The following SERAC1 variants were observed in gnomAD, a reference collection of about 807,000 sequenced individuals.
The protein encoded by SERAC1 is protein SERAC1.
A neutral mutation model predicts 85.7 loss-of-function variants in SERAC1; 36 were observed. The ratio of observed to expected loss-of-function variants is 0.42; its 90% CI spans 0.32 to 0.55. The LOEUF (loss-of-function observed/expected upper bound fraction) is 0.55. SERAC1 is among the 20% of genes least tolerant of loss of function. The probability of loss-of-function intolerance (pLI) is 0.11; values close to 1 mark genes in which losing one functional copy is unlikely to be tolerated. For synonymous variants in SERAC1, 242 were observed against 265.3 expected, an observed-to-expected ratio of 0.91 and a Z score of 0.85; for missense variants, 629 against 796.2, an observed-to-expected ratio of 0.79 and a Z score of 2.53.
intron 8 of SERAC1, among the ~76,000 whole-genome samples, chr6:158,131,182 C>T (rs1485632769): frequency 6.6e-6 from 1 of 151,120 alleles, no homozygotes; most frequent in Non-Finnish European, 1.5e-5. Context: ...TAATCTCCTA[C>T]AAGTCAGTGA....
rs575511116 is a variant in SERAC1, at chr6:158,163,404, A to C, written c.-2+4736T>G. Among the ~76,000 whole-genome samples the C allele has an allele frequency of 3.3e-5, 5 of 152,366 alleles. No homozygotes were observed. In the East Asian group the frequency reaches 9.6e-4, roughly 29 times the overall value. On this transcript the variant is annotated intron_variant, in intron 1 of 16. Coordinates refer to ENST00000647468, the MANE Select transcript of SERAC1 (RefSeq NM_032861.4). ...AATACACTATAAAATAACAATAAAA[A>C]GTATACCATAGGGCCAAGTGTGGTG...
intron 1 of SERAC1, chr6:158,159,300 T>C (rs1288621958): frequency 6.6e-6 from 1 of 151,652 alleles, no homozygotes; most frequent in African/African-American, 2.4e-5. Flanking sequence ...GCTCAGGAGT[T>C]CAAGACCAGC....
At chr6:158,135,843 T>A (rs1784780483) in intron 8 of SERAC1, among the ~76,000 whole-genome samples, 1 of 152,122 alleles carries the variant, frequency 6.6e-6, no homozygotes, top group African/African-American at 2.4e-5. Context: ...GGAGTCTCAC[T>A]CTGTCACCCA....
In SERAC1 at chr6:158,119,847, AT is replaced by A. The variant is rs1176942723; in HGVS notation, c.1166+577del. Among the ~76,000 whole-genome samples the A allele has an allele frequency of 6.6e-6, 1 of 152,150 alleles. No homozygotes were observed. Among genetic ancestry groups the A allele is most frequent in the African/African-American group, 2.4e-5 (1 of 41,436 alleles). ...CCCTAAGAAAACCAAGAAATATGTTATTTTTTCAGTGTGGTCCCTTCTATAT... is the reference window on the plus strand; with the variant it reads ...CCCTAAGAAAACCAAGAAATATGTTATTTTTCAGTGTGGTCCCTTCTATAT... On this transcript the variant is annotated intron_variant, in intron 11 of 16. Coordinates refer to ENST00000647468, the MANE Select transcript of SERAC1 (RefSeq NM_032861.4). This position sits in a 1 kb window ranked among gnomAD's most constrained non-coding sequence, Gnocchi z 4.5.
chr6:158,164,998 T>C lies in SERAC1; in HGVS notation c.-2+3142A>G, dbSNP rs1467240286. Among the ~76,000 whole-genome samples, 4 of 152,268 alleles carry C rather than the reference T, an allele frequency of 2.6e-5. No homozygotes were observed. The East Asian group carries it at 7.7e-4, about 29-fold the overall frequency. On this transcript the variant is annotated intron_variant, in intron 1 of 16. Transcript: ENST00000647468. ...ACACCAAGCATCTTATTAAGGACGG[T>C]AGAGCAGCCAGATAGAAGAATCCGA...
chr6:158,149,796 G>A (rs73797650), intron 4 of SERAC1, among the ~76,000 whole-genome samples: 4,699 of 152,296 alleles, frequency 0.031, 225 homozygotes, highest in African/African-American at 0.11. Context: ...CTCACTTGAG[G>A]AACATCATGT....
chr6:158,167,162 G>C (rs892925229), intron 1 of SERAC1, among the ~76,000 whole-genome samples: 3 of 141,904 alleles, frequency 2.1e-5, no homozygotes, highest in Non-Finnish European at 3.0e-5. Context: ...TTGAGGGATA[G>C]AAAGAGGGAA....
chr6:158,111,296 T>G lies in SERAC1; in HGVS notation c.*70A>C. The G allele has an allele frequency of 7.1e-7, 1 of 1,405,548 alleles. No individual in the cohort carries two copies. Among genetic ancestry groups the G allele is most frequent in the Non-Finnish European group, 9.6e-7 (1 of 1,041,340 alleles). The allele number at this position is 1,405,548 out of a possible 1,614,324, so 87.1% of individuals were successfully genotyped here. ...CTATGTTTGCATGATTGCATAGAGC[T>G]TAAAAGAAGAAACAGAACACCAAGT... is the stretch of plus-strand genomic sequence containing the variant. On this transcript the variant is annotated 3_prime_UTR_variant, in exon 17 of 17. Transcript: ENST00000647468.
intron 3 of SERAC1, among the ~76,000 whole-genome samples, chr6:158,151,854 A>C (rs1785212561): frequency 6.6e-6 from 1 of 151,950 alleles, no homozygotes; most frequent in Non-Finnish European, 1.5e-5. Flanking sequence ...AAGTTTTTCA[A>C]AAATTTAAGT....
chr6:158,116,285 G>GAACAA lies in SERAC1; in HGVS notation c.1404-8_1404-4dup, dbSNP rs1381930049. 1 of 1,613,090 alleles carries GAACAA rather than the reference G, an allele frequency of 6.2e-7. No individual in the cohort carries two copies. The highest frequency in any genetic ancestry group is 8.5e-7 in the Non-Finnish European group (1 of 1,179,204). Reference sequence around the variant, plus strand: ...TGCTTCTGAATGCAATGGACTTTCTGAACAAAACAAAAACAGCAGGCATGA... The same window carrying GAACAA: ...TGCTTCTGAATGCAATGGACTTTCTGAACAAAACAAAACAAAAACAGCAGGCATGA... On this transcript the variant is annotated splice_region_variant and splice_polypyrimidine_tract_variant and intron_variant, in intron 13 of 16. Transcript: ENST00000647468.
rs1051328209 is a variant in SERAC1 at position 158,110,215 on chromosome 6, A to G, written c.*1151T>C. 2 of 151,538 alleles carry G rather than the reference A, an allele frequency of 1.3e-5. No individual in the cohort carries two copies. Among genetic ancestry groups the G allele is most frequent in the Admixed American group, 1.3e-4 (2 of 15,272 alleles). 9.4% of individuals were successfully genotyped at this position (151,538 alleles called of 1,614,324 possible). On this transcript the variant is annotated 3_prime_UTR_variant, in exon 17 of 17. Transcript: ENST00000647468. ...CACAGTGAGACCCTGTCTCTACAAA[A>G]AAGTATTTATTTATTTTTTAATTAC...
chr6:158,138,124 A>C (rs1784836122), intron 8 of SERAC1, among the ~76,000 whole-genome samples: 1 of 152,100 alleles, frequency 6.6e-6, no homozygotes, highest in African/African-American at 2.4e-5. Context: ...GAGGCCAAGA[A>C]TTCTGCACCA....
At chr6:158,153,364 A>G (rs572960404) in intron 3 of SERAC1, among the ~76,000 whole-genome samples, 1 of 152,088 alleles carries the variant, frequency 6.6e-6, no homozygotes, top group Non-Finnish European at 1.5e-5. Flanking sequence ...TCTCCCATAG[A>G]TGGGTATTGA....
chr6:158,157,412 A>G (rs978749474), intron 2 of SERAC1, among the ~76,000 whole-genome samples: 15 of 152,218 alleles, frequency 9.9e-5, no homozygotes, highest in Non-Finnish European at 2.2e-4. Flanking sequence ...ACAGTATCAG[A>G]ATTTTCTAGA....
chr6:158,120,545 T>C lies in SERAC1; in HGVS notation c.1046A>G (p.Lys349Arg), dbSNP rs770016317. ...TGAGGACTCCATAATGTGGGGAGAT[T>C]TCATTGCTTCTGCCATGATGGAAAC... ...GWVSIMAEAMKSPHIMESSHA... is the reference protein window; with the variant it reads ...GWVSIMAEAMRSPHIMESSHA... Residue 349 changes from lysine to arginine, a missense_variant, in exon 11 of 17, where the codon AAA (lysine) becomes AGA (arginine). Lys to Arg is a conservative substitution (Grantham distance 26). Transcript: ENST00000647468. The surrounding 1 kb of genome is among the most constrained non-coding windows in gnomAD (Gnocchi z 4.4). The C allele has an allele frequency of 1.2e-6, 2 of 1,614,006 alleles. No individual in the cohort carries two copies. The highest frequency in any genetic ancestry group is 8.5e-7 in the Non-Finnish European group (1 of 1,179,952).
At chr6:158,113,399 T>G (rs1784193242) in intron 16 of SERAC1, 50 bp downstream of exon 16, 1 of 1,510,708 alleles carries the variant, frequency 6.6e-7, no homozygotes, top group South Asian at 1.2e-5. Context: ...AAGTAAATGC[T>G]AGGTATAATT....
chr6:158,130,617 G>A, intron 8 of SERAC1, 131 bp from the exon 9 acceptor site: 1 of 573,506 alleles, frequency 1.7e-6, no homozygotes, highest in East Asian at 3.3e-5. Flanking sequence ...AAAATATGTT[G>A]GAAATGTAAA....
In SERAC1 at chr6:158,150,546, C is replaced by G. The variant is rs1208262344; in HGVS notation, c.172G>C (p.Ala58Pro). ...ACCACTTGAGTATCTAATGTCACAG[C>G]CTTCTTCAGGGCCAGAACTTCATAT... ...LTYEVLALKK[A>P]VTLDTQVVER... Residue 58 changes from alanine (A) to proline (P), a missense_variant, in exon 4 of 17, where the codon GCT (alanine) becomes CCT (proline). Transcript: ENST00000647468. 7 of 1,602,428 alleles carry G rather than the reference C, an allele frequency of 4.4e-6. No individual in the cohort carries two copies. Among genetic ancestry groups the G allele is most frequent in the Admixed American group, 1.7e-5 (1 of 59,964 alleles).
intron 1 of SERAC1, among the ~76,000 whole-genome samples, chr6:158,167,661 C>G (rs909041929): frequency 6.6e-6 from 1 of 151,798 alleles, no homozygotes; most frequent in Admixed American, 6.6e-5. Flanking sequence ...TTTAGACTTA[C>G]AGAACAGACT....
Sources: allele counts gnomAD v4.1 joint callset (sites outside exome capture counted in the v4.1 genomes callset), GRCh38; gene constraint gnomAD v4.1.1; non-coding constraint Gnocchi (gnomAD v3.1); transcripts MANE v1.5; gene names NCBI Gene and HGNC (gene_info 2026-07-23, HGNC 2026-07-21).